Variants in PLA2G5 observed in about 807,000 individuals in gnomAD.
The protein encoded by PLA2G5 is phospholipase A2 group V, also known as Ca2+-dependent phospholipase A2.
In PLA2G5, 12 loss-of-function variants were observed where a neutral mutation model predicts 15.9. The observed-to-expected ratio is 0.76, with a 90% CI of 0.48 to 1.23. PLA2G5 has a LOEUF of 1.23. Ranked by LOEUF, PLA2G5 falls within the 50% of genes most tolerant of loss-of-function variation. The pLI is 0.00. For missense variants in PLA2G5, 169 were observed against 177.1 expected (o/e 0.95, Z 0.26); for synonymous variants, 71 against 71.4 (o/e 0.99, Z 0.03).
Position 20,089,907 on chromosome 1 carries a change from G to T in PLA2G5, c.292+12G>T, listed in dbSNP as rs1265293684. 1 of 1,594,992 alleles carries T rather than the reference G, an allele frequency of 6.3e-7. No homozygotes were observed. Among genetic ancestry groups the T allele is most frequent in the South Asian group, 1.1e-5 (1 of 89,962 alleles). On this transcript the variant is annotated intron_variant, in intron 4 of 4. Transcript: ENST00000375108. ...CGTGGTCACCTGCGGTAAGGCTGGG[G>T]CTTCCCGTTCGGGCCATTGGAAGAG...
At chr1:20,070,117 G>A (rs756588485), upstream of PLA2G5, 1 of 791,914 alleles carries the variant, frequency 1.3e-6, no homozygotes, top group Non-Finnish European at 1.5e-6. Flanking sequence ...GAATTCTCTG[G>A]GTGACTGCCC....
At position 20,090,825 on chromosome 1, in the gene PLA2G5, C is replaced by G; in HGVS notation, c.*133C>G. 1.1e-6 allele frequency: 1 copy of G among 909,650 alleles called. No homozygotes were observed. Among genetic ancestry groups the G allele is most frequent in the South Asian group, 1.5e-5 (1 of 65,764 alleles). The allele number at this position is 909,650 out of a possible 1,614,324, so 56.3% of individuals were successfully genotyped here. On this transcript the variant is annotated 3_prime_UTR_variant, in exon 5 of 5. Coordinates refer to ENST00000375108, the MANE Select transcript of PLA2G5 (RefSeq NM_000929.3). ...CAGTCTTTCTCGAAGCTTGGCGGAC[C>G]CCCAGGGCCACACTGTACCCTCCAG... is the stretch of plus-strand genomic sequence containing the variant.
intron 1 of PLA2G5, among the ~76,000 whole-genome samples, chr1:20,034,612 A>C (rs1443069585): frequency 3.9e-5 from 6 of 152,108 alleles, no homozygotes; most frequent in Non-Finnish European, 5.9e-5. Flanking sequence ...AGTAGGTTTG[A>C]GGCCCCTGAG....
At chr1:20,064,527 A>G (rs1309339436) in intron 2 of PLA2G5, among the ~76,000 whole-genome samples, 1 of 151,770 alleles carries the variant, frequency 6.6e-6, no homozygotes, top group Non-Finnish European at 1.5e-5. Flanking sequence ...GTGAGCTGAG[A>G]TCATGCCACT....
intron 4 of PLA2G5, 33 bp from the exon 5 acceptor site, chr1:20,090,535 C>T: frequency 6.2e-7 from 1 of 1,613,464 alleles, no homozygotes; most frequent in Non-Finnish European, 8.5e-7. Flanking sequence ...ATGCTCTTCC[C>T]ACCCTCATTC....
upstream of PLA2G5, among the ~76,000 whole-genome samples, chr1:20,069,251 T>C (rs2015211225): frequency 6.6e-6 from 1 of 151,598 alleles, no homozygotes; most frequent in African/African-American, 2.4e-5. Context: ...TCATCTGACC[T>C]ATGCAATATG....
chr1:20,088,508 A>T (rs600494), intron 3 of PLA2G5, among the ~76,000 whole-genome samples: 2,679 of 151,678 alleles, frequency 0.018, 76 homozygotes, highest in African/African-American at 0.062. Context: ...ATGATGTATT[A>T]TTTAGTGAAT....
rs1452464205 is a variant in PLA2G5 at position 20,058,165 on chromosome 1, T to C, written n.277-1467T>C. ...CCAGCTGTTAGAAGTGCTGTTCAGT[T>C]CAACTATGTCCTTACTGACTTTCTG... On this transcript the variant is annotated intron_variant and non_coding_transcript_variant, in intron 1 of 6. Transcript: ENST00000460175. 4.6e-5 allele frequency among the ~76,000 whole-genome samples: 7 copies of C among 152,222 alleles called. No homozygotes were observed. In the East Asian group the frequency reaches 1.2e-3, roughly 25 times the overall value.
chr1:20,070,053 G>A (rs1196035575), upstream of PLA2G5, among the ~76,000 whole-genome samples: 1 of 152,184 alleles, frequency 6.6e-6, no homozygotes. Flanking sequence ...AAAGGCTTGT[G>A]AAGTGGCTAA....
chr1:20,073,933 T>G (rs1350183942), intron 1 of PLA2G5, among the ~76,000 whole-genome samples: 1 of 151,510 alleles, frequency 6.6e-6, no homozygotes, highest in Non-Finnish European at 1.5e-5. Context: ...AAGAACAAGA[T>G]GAACATGTTT....
intron 1 of PLA2G5, among the ~76,000 whole-genome samples, chr1:20,039,683 G>C: frequency 6.6e-6 from 1 of 152,010 alleles, no homozygotes; most frequent in Non-Finnish European, 1.5e-5. Context: ...GAGAGAGAGA[G>C]AGAGAGAAGC....
chr1:20,040,502 G>C (rs1478087148), intron 1 of PLA2G5, among the ~76,000 whole-genome samples: 1 of 151,924 alleles, frequency 6.6e-6, no homozygotes, highest in East Asian at 1.9e-4. Flanking sequence ...TTCTCAAAAT[G>C]ACATTTAGAA....
At chr1:20,089,321 A>G (rs559513870) in intron 3 of PLA2G5, among the ~76,000 whole-genome samples, 39 of 152,360 alleles carry the variant, frequency 2.6e-4, no homozygotes, top group East Asian at 2.5e-3. Flanking sequence ...TCTGGATCAC[A>G]TAACAGTTCA....
intron 2 of PLA2G5, among the ~76,000 whole-genome samples, chr1:20,060,853 G>T (rs2014691140): frequency 6.7e-6 from 1 of 149,252 alleles, no homozygotes; most frequent in African/African-American, 2.5e-5. Flanking sequence ...GAGTAGCTGG[G>T]ATTACAGGCA....
intron 3 of PLA2G5, chr1:20,088,984 A>T (rs11573281): frequency 0.45 from 68,315 of 151,748 alleles, 15,566 homozygotes; most frequent in Middle Eastern, 0.55. Flanking sequence ...ATACATTTTT[A>T]AATAGAGACA....
At position 20,058,968 on chromosome 1, in the gene PLA2G5, G is replaced by A. The variant is rs941500696; in HGVS notation, n.277-664G>A. ...ATGGGAGGATCACTTGAAGTCAGGA[G>A]TTCAAGACCAACCTGGCCAACATGG... is the stretch of plus-strand genomic sequence containing the variant. On this transcript the variant is annotated intron_variant and non_coding_transcript_variant, in intron 1 of 6. Transcript: ENST00000460175. Among the ~76,000 whole-genome samples, 8 of 152,032 alleles carry A rather than the reference G, an allele frequency of 5.3e-5. No homozygotes were observed. In the East Asian group the frequency reaches 1.4e-3, roughly 26 times the overall value.
intron 2 of PLA2G5, among the ~76,000 whole-genome samples, chr1:20,085,695 G>A (rs1309222018): frequency 5.3e-5 from 8 of 152,120 alleles, no homozygotes; most frequent in Non-Finnish European, 5.9e-5. Context: ...ATATGTCATG[G>A]TCACTTACTA....
intron 1 of PLA2G5, among the ~76,000 whole-genome samples, chr1:20,079,538 G>A (rs2015889536): frequency 6.6e-6 from 1 of 152,002 alleles, no homozygotes; most frequent in Non-Finnish European, 1.5e-5. Flanking sequence ...AGAGACAGGG[G>A]CTTGCTTTGT....
At chr1:20,057,015 A>G (rs535780161) in intron 1 of PLA2G5, among the ~76,000 whole-genome samples, 1 of 152,218 alleles carries the variant, frequency 6.6e-6, no homozygotes, top group East Asian at 1.9e-4. Context: ...GTTGTTTATA[A>G]TATTACTTTT....
Sources: gnomAD v4.1 joint callset for allele counts (sites outside exome capture counted in the v4.1 genomes callset) on GRCh38, gnomAD v4.1.1 for gene constraint, MANE v1.5 for transcripts, NCBI Gene and HGNC (gene_info 2026-07-23, HGNC 2026-07-21) for gene names.